The following KCNJ6 variants were observed in gnomAD, a reference collection of about 807,000 sequenced individuals.
The protein encoded by KCNJ6 is potassium inwardly rectifying channel subfamily J member 6, also known as G protein-activated inward rectifier potassium channel 2.
A neutral mutation model predicts 34.2 loss-of-function variants in KCNJ6; 9 were observed. That is an observed-to-expected ratio of 0.26 (90% CI 0.16 to 0.46). KCNJ6 has a LOEUF of 0.46. Ranked by LOEUF, KCNJ6 falls within the 20% of genes least tolerant of loss-of-function variation. The pLI is 1.00. For synonymous variants in KCNJ6, 196 were observed against 207.1 expected (o/e 0.95, Z 0.46); for missense variants, 236 against 531.3 (o/e 0.44, Z 5.46).
At chr21:37,762,719 C>T (rs942901669) in intron 2 of KCNJ6, among the ~76,000 whole-genome samples, 1 of 152,120 alleles carries the variant, frequency 6.6e-6, no homozygotes, top group East Asian at 1.9e-4. Flanking sequence ...TGGCGCTGCG[C>T]TGTGTGATGA....
At chr21:37,772,595 G>C (rs539944854) in intron 2 of KCNJ6, among the ~76,000 whole-genome samples, 1 of 152,258 alleles carries the variant, frequency 6.6e-6, no homozygotes, top group African/African-American at 2.4e-5. Context: ...TAAAGCTCAA[G>C]AGACTTGGGT....
chr21:37,761,589 T>G (rs2055064208), intron 2 of KCNJ6, among the ~76,000 whole-genome samples: 2 of 147,128 alleles, frequency 1.4e-5, no homozygotes, highest in Non-Finnish European at 3.0e-5. Flanking sequence ...TGTGTGTATA[T>G]TTGTGTGTGT....
chr21:37,859,617 C>T (rs1260248531), intron 1 of KCNJ6, among the ~76,000 whole-genome samples: 2 of 148,352 alleles, frequency 1.3e-5, no homozygotes, highest in African/African-American at 5.0e-5. Context: ...TTCTGACAAG[C>T]TAATGGTAGT....
intron 3 of KCNJ6, among the ~76,000 whole-genome samples, chr21:37,651,656 G>A (rs1474513497): frequency 1.3e-5 from 2 of 152,188 alleles, no homozygotes; most frequent in Non-Finnish European, 2.9e-5. Context: ...TGTCATCTAG[G>A]TTTCTGGACT....
At chr21:37,649,854 G>A (rs965252853) in intron 3 of KCNJ6, among the ~76,000 whole-genome samples, 3 of 151,908 alleles carry the variant, frequency 2.0e-5, no homozygotes, top group Admixed American at 6.6e-5. Flanking sequence ...CCAGGTTCAC[G>A]CCATTCTCCT....
chr21:37,880,841 T>C (rs2123623051), intron 1 of KCNJ6, among the ~76,000 whole-genome samples: 1 of 152,292 alleles, frequency 6.6e-6, no homozygotes, highest in Middle Eastern at 3.4e-3. Flanking sequence ...AATCTCATCC[T>C]CCAAGGAAAA....
rs551476270 is a variant in KCNJ6, at chr21:37,781,735, G to A, written c.25+58923C>T. Among the ~76,000 whole-genome samples, 8 of 152,258 alleles carry A rather than the reference G, an allele frequency of 5.3e-5. No individual in the cohort carries two copies. In the South Asian group the frequency reaches 1.4e-3, roughly 28 times the overall value. ...TAAGTAACTTGGATAAGATTGCATA[G>A]TATTTTAGGTCAAGATTCTGTGGCC... On this transcript the variant is annotated intron_variant, in intron 2 of 3. Transcript: ENST00000609713.
chr21:37,730,747 G>A (rs2054880124), intron 2 of KCNJ6, among the ~76,000 whole-genome samples: 1 of 152,224 alleles, frequency 6.6e-6, no homozygotes, highest in Non-Finnish European at 1.5e-5. Context: ...CTGTGGACAA[G>A]AGGCCAAGAA....
intron 3 of KCNJ6, among the ~76,000 whole-genome samples, chr21:37,651,124 A>G (rs114472921): frequency 6.6e-6 from 1 of 152,206 alleles, no homozygotes; most frequent in African/African-American, 2.4e-5. Flanking sequence ...GAGCCACAGG[A>G]CCATTTAAGG....
intron 3 of KCNJ6, among the ~76,000 whole-genome samples, chr21:37,708,399 T>C (rs1445725935): frequency 6.6e-6 from 1 of 152,150 alleles, no homozygotes; most frequent in Non-Finnish European, 1.5e-5. Context: ...TGGGGAGCAG[T>C]TGTCACCAGT....
rs1332527368 is a variant in KCNJ6, at chr21:37,695,308, C to T, written c.946+18903G>A. Among the ~76,000 whole-genome samples the T allele has an allele frequency of 1.3e-5, 2 of 152,202 alleles. No individual in the cohort carries two copies. Among genetic ancestry groups the T allele is most frequent in the Non-Finnish European group, 2.9e-5 (2 of 68,038 alleles). On this transcript the variant is annotated intron_variant, in intron 3 of 3. Transcript: ENST00000609713. The surrounding 1 kb of genome is among the most constrained non-coding windows in gnomAD (Gnocchi z 4.2). ...ATGGCTAAGCAAAAGTCCAACTATT[C>T]TTAGTGCTGTGACATGAAGAAATTT...
chr21:37,618,765 C>T lies in KCNJ6; in HGVS notation c.*6394G>A, dbSNP rs1283493754. On this transcript the variant is annotated 3_prime_UTR_variant, in exon 4 of 4. Coordinates refer to ENST00000609713, the MANE Select transcript of KCNJ6 (RefSeq NM_002240.5). Reference sequence around the variant, plus strand: ...TCAGTGATAAATCTAATCTCCATCACTTAATCATGTTGACCACCCCAGTGA... The same window carrying T: ...TCAGTGATAAATCTAATCTCCATCATTTAATCATGTTGACCACCCCAGTGA... 6.6e-6 allele frequency: 1 copy of T among 152,210 alleles called. No homozygotes were observed. The highest frequency in any genetic ancestry group is 1.9e-4 in the East Asian group (1 of 5,196). The allele number at this position is 152,210 out of a possible 1,614,324, so 9.4% of individuals were successfully genotyped here.
At chr21:37,898,749 T>C (rs148887038) in intron 1 of KCNJ6, among the ~76,000 whole-genome samples, 15 of 152,324 alleles carry the variant, frequency 9.8e-5, no homozygotes, top group African/African-American at 3.6e-4. Flanking sequence ...AGCCTCAGTA[T>C]TTCCATCTGC....
At chr21:37,667,486 C>T (rs1421531888) in intron 3 of KCNJ6, among the ~76,000 whole-genome samples, 3 of 151,514 alleles carry the variant, frequency 2.0e-5, no homozygotes, top group Non-Finnish European at 4.4e-5. Flanking sequence ...GCCGGGGTAG[C>T]GGGAGCTGGG....
intron 3 of KCNJ6, among the ~76,000 whole-genome samples, chr21:37,673,137 A>G (rs2054549564): frequency 1.3e-5 from 2 of 152,266 alleles, no homozygotes; most frequent in Admixed American, 1.3e-4. Context: ...TTGAGAGGAG[A>G]CGGGGACAGG....
intron 3 of KCNJ6, among the ~76,000 whole-genome samples, chr21:37,704,234 C>T (rs930121626): frequency 1.3e-5 from 2 of 152,068 alleles, no homozygotes; most frequent in Middle Eastern, 3.2e-3. Context: ...GAATCCTTAA[C>T]ATCATCTAGG....
At chr21:37,802,100 A>G (rs1460952695) in intron 2 of KCNJ6, among the ~76,000 whole-genome samples, 2 of 152,206 alleles carry the variant, frequency 1.3e-5, no homozygotes, top group African/African-American at 4.8e-5. Flanking sequence ...TTCAGAGCCT[A>G]TTACTACCTA....
intron 1 of KCNJ6, among the ~76,000 whole-genome samples, chr21:37,867,089 A>G (rs1308759004): frequency 1.3e-5 from 2 of 152,228 alleles, no homozygotes; most frequent in East Asian, 3.8e-4. Context: ...GACATTCCTT[A>G]ACTCCATAGA....
intron 3 of KCNJ6, among the ~76,000 whole-genome samples, chr21:37,645,761 A>G (rs1187200030): frequency 6.6e-6 from 1 of 152,168 alleles, no homozygotes; most frequent in Non-Finnish European, 1.5e-5. Flanking sequence ...AGACTAGAAA[A>G]TATTACTTGT....
Sources: gnomAD v4.1 joint callset for allele counts (sites outside exome capture counted in the v4.1 genomes callset) on GRCh38, gnomAD v4.1.1 for gene constraint, Gnocchi (gnomAD v3.1) non-coding constraint, MANE v1.5 for transcripts, NCBI Gene and HGNC (gene_info 2026-07-23, HGNC 2026-07-21) for gene names.